The following TMCO6 variants were observed in gnomAD, a reference collection of about 807,000 sequenced individuals.
The protein encoded by TMCO6 is transmembrane and coiled-coil domains 6.
In TMCO6, 47 loss-of-function variants were observed where a neutral mutation model predicts 61.8. The observed-to-expected ratio is 0.76, with a 90% CI of 0.60 to 0.97. The LOEUF is 0.97. TMCO6 is among the 50% of genes least tolerant of loss of function. TMCO6 has a pLI of 0.00. For synonymous variants in TMCO6, 261 were observed against 254.2 expected, an observed-to-expected ratio of 1.03 and a Z score of -0.25; for missense variants, 557 against 601.6, an observed-to-expected ratio of 0.93 and a Z score of 0.78.
chr5:140,616,521 C>T, the TMCO6 span, among the ~76,000 whole-genome samples: 3 of 152,154 alleles, frequency 2.0e-5, no homozygotes, highest in Non-Finnish European at 4.4e-5. Flanking sequence ...ATGATCACGC[C>T]ACTGCACTCC....
In TMCO6 at chr5:140,639,471, C is replaced by T. The variant is rs973778000; in HGVS notation, c.-57C>T. The T allele has an allele frequency of 7.3e-6, 11 of 1,513,340 alleles. No individual in the cohort carries two copies. The highest frequency in any genetic ancestry group is 4.1e-4 in the Middle Eastern group (2 of 4,882). The allele number at this position is 1,513,340 out of a possible 1,614,324, so 93.7% of individuals were successfully genotyped here. A position where few individuals can be genotyped will look rare whatever the true frequency, so the allele number is the denominator to read the frequency against. On this transcript the variant is annotated 5_prime_UTR_variant, in exon 1 of 12. The change creates a new upstream start codon in the 5' untranslated region. Transcript: ENST00000394671. Reference sequence around the variant, plus strand: ...GCTGCGCAGTCGGTGCCATCTTCTACGCCCCTGGGAGCGTTGTGGCTGCTG... The same window carrying T: ...GCTGCGCAGTCGGTGCCATCTTCTATGCCCCTGGGAGCGTTGTGGCTGCTG...
upstream of TMCO6, among the ~76,000 whole-genome samples, chr5:140,634,723 C>T (rs905348957): frequency 2.8e-4 from 42 of 151,974 alleles, no homozygotes; most frequent in African/African-American, 9.7e-4. Context: ...GTGATCCGCC[C>T]GCCTTGGCCT....
At position 140,643,920 on chromosome 5, in the gene TMCO6, GC is replaced by G. The variant is rs1490247922; in HGVS notation, c.1062del (p.Ser355ValfsTer29). On this transcript the variant is annotated frameshift_variant, in exon 9 of 12. Transcript: ENST00000394671. LOFTEE classifies it high-confidence loss of function. ...ILLQFFFQKQPSLLPEGLWLL... is the reference protein window; with the variant it reads ...ILLQFFFQKQXSLLPEGLWLL... ...TTCTGCAGTTCTTTTTCCAGAAACA[GC>G]CCAGTCTGCTCCCTGAGGGCCTTTG... 2 of 1,614,246 alleles carry G rather than the reference GC, an allele frequency of 1.2e-6. No individual in the cohort carries two copies. The highest frequency in any genetic ancestry group is 3.3e-5 in the Admixed American group (2 of 60,028).
chr5:140,601,564 T>C, the TMCO6 span, among the ~76,000 whole-genome samples: 625 of 152,334 alleles, frequency 4.1e-3, 3 homozygotes, highest in Middle Eastern at 0.037. Flanking sequence ...TTATTCCATT[T>C]ATTTTTTTGA....
chr5:140,618,152 C>T, the TMCO6 span, among the ~76,000 whole-genome samples: 43 of 152,156 alleles, frequency 2.8e-4, no homozygotes, highest in African/African-American at 8.2e-4. Context: ...AAGGTCGGGC[C>T]GCACGCGGTG....
the TMCO6 span, among the ~76,000 whole-genome samples, chr5:140,605,645 A>G: frequency 6.6e-6 from 1 of 150,610 alleles, no homozygotes; most frequent in African/African-American, 2.4e-5. Context: ...TCGTCGTTGC[A>G]CTCCAGCCTG....
chr5:140,615,704 T>C, the TMCO6 span, among the ~76,000 whole-genome samples: 1 of 152,218 alleles, frequency 6.6e-6, no homozygotes, highest in African/African-American at 2.4e-5. Context: ...AGAAAGTCTT[T>C]TCATACTACG....
chr5:140,622,739 A>G, the TMCO6 span, among the ~76,000 whole-genome samples: 66 of 138,658 alleles, frequency 4.8e-4, no homozygotes, highest in African/African-American at 1.1e-3. Flanking sequence ...AAAAAAAAAA[A>G]AAAGAAAGAA....
the TMCO6 span, chr5:140,632,098 G>C: frequency 1.5e-5 from 24 of 1,614,088 alleles, no homozygotes; most frequent in Non-Finnish European, 1.7e-5. This position sits in a 1 kb window ranked among gnomAD's most constrained non-coding sequence, Gnocchi z 6.2. Flanking sequence ...AGCTTGGCTG[G>C]CAGTCCTTTA....
At chr5:140,638,499 A>G (rs1756832598), upstream of TMCO6, among the ~76,000 whole-genome samples, 1 of 152,108 alleles carries the variant, frequency 6.6e-6, no homozygotes, top group African/African-American at 2.4e-5. Context: ...ATTAAAGAAT[A>G]AAAGATTGAT....
chr5:140,622,175 C>T, the TMCO6 span, among the ~76,000 whole-genome samples: 20 of 152,144 alleles, frequency 1.3e-4, no homozygotes, highest in Non-Finnish European at 2.2e-4. Flanking sequence ...CGGAACCTAC[C>T]GACATGTGAT....
At chr5:140,642,809 A>C in intron 6 of TMCO6, 116 bp from the exon 7 acceptor site, 1 of 1,596,728 alleles carries the variant, frequency 6.3e-7, no homozygotes, top group Admixed American at 1.7e-5. Flanking sequence ...GGGTTTGGAC[A>C]CTTTCCCATC....
chr5:140,608,326 T>A, the TMCO6 span, among the ~76,000 whole-genome samples: 1 of 152,212 alleles, frequency 6.6e-6, no homozygotes. Flanking sequence ...TTCAAGCCCT[T>A]TTCCCATATT....
the TMCO6 span, among the ~76,000 whole-genome samples, chr5:140,607,425 A>G: frequency 6.6e-6 from 1 of 152,312 alleles, no homozygotes; most frequent in Admixed American, 6.5e-5. Flanking sequence ...ACCACATTTT[A>G]TGTATTCATT....
chr5:140,641,200 G>A (rs1757008468), intron 2 of TMCO6: 1 of 156,524 alleles, frequency 6.4e-6, no homozygotes, highest in South Asian at 1.9e-4. Flanking sequence ...GAAACCTGAA[G>A]AGAGTGGGAA....
chr5:140,632,325 T>C, the TMCO6 span: 4 of 1,613,948 alleles, frequency 2.5e-6, no homozygotes, highest in Non-Finnish European at 3.4e-6. This position sits in a 1 kb window ranked among gnomAD's most constrained non-coding sequence, Gnocchi z 6.2. Flanking sequence ...GGCCGGGAAC[T>C]TGTGGGGACA....
At chr5:140,640,276 C>T (rs935074045) in intron 2 of TMCO6, among the ~76,000 whole-genome samples, 1 of 152,212 alleles carries the variant, frequency 6.6e-6, no homozygotes, top group Non-Finnish European at 1.5e-5. Context: ...TATCAGTTTT[C>T]TCATCCTACC....
chr5:140,644,331 G>A (rs1757253665), intron 10 of TMCO6, 137 bp downstream of exon 10: 1 of 1,023,912 alleles, frequency 9.8e-7, no homozygotes, highest in African/African-American at 1.6e-5. Flanking sequence ...CAATCTAGGT[G>A]TGTGTCCCTT....
the TMCO6 span, among the ~76,000 whole-genome samples, chr5:140,628,956 A>G: frequency 1.3e-5 from 2 of 152,302 alleles, no homozygotes; most frequent in African/African-American, 4.8e-5. Flanking sequence ...TGGATATGTG[A>G]TGGGTTACAA....
Sources: allele counts gnomAD v4.1 joint callset (sites outside exome capture counted in the v4.1 genomes callset), GRCh38; gene constraint gnomAD v4.1.1; non-coding constraint Gnocchi (gnomAD v3.1); transcripts MANE v1.5; gene names NCBI Gene and HGNC (gene_info 2026-07-23, HGNC 2026-07-21).